The following NAPEPLD variants were observed in gnomAD, a reference collection of about 807,000 sequenced individuals.
NAPEPLD encodes the protein N-acyl phosphatidylethanolamine phospholipase D, also known as N-acyl-phosphatidylethanolamine-hydrolyzing phospholipase D.
A neutral mutation model predicts 38.1 loss-of-function variants in NAPEPLD; 23 were observed. The ratio of observed to expected loss-of-function variants is 0.60; its 90% CI spans 0.43 to 0.86. The LOEUF is 0.86. NAPEPLD is among the 40% of genes least tolerant of loss of function. The pLI, the probability that NAPEPLD is intolerant of heterozygous loss-of-function variation, is 0.00. For synonymous variants in NAPEPLD, 147 were observed against 162.0 expected, an observed-to-expected ratio of 0.91 and a Z score of 0.71; for missense variants, 411 against 476.8, an observed-to-expected ratio of 0.86 and a Z score of 1.28.
chr7:103,114,674 A>G (rs1226644036), intron 4 of NAPEPLD, among the ~76,000 whole-genome samples: 1 of 152,108 alleles, frequency 6.6e-6, no homozygotes, highest in Non-Finnish European at 1.5e-5. Context: ...ACATTACAGC[A>G]CTTTCCCCTT....
rs1202557572 is a variant in NAPEPLD at position 103,110,488 on chromosome 7, T to C, written c.1056+4572A>G. On this transcript the variant is annotated intron_variant, in intron 4 of 4. Transcript: ENST00000465647. ...AACAGAACCAATGACAAAAACCACA[T>C]GATTGTCTCAATAGAAGCAGAAAAG... is the stretch of plus-strand genomic sequence containing the variant. 2.0e-5 allele frequency among the ~76,000 whole-genome samples: 3 copies of C among 152,302 alleles called. No homozygotes were observed. The East Asian group carries it at 5.8e-4, about 29-fold the overall frequency.
intron 2 of NAPEPLD, among the ~76,000 whole-genome samples, chr7:103,126,520 G>C (rs373266663): frequency 6.6e-6 from 1 of 152,084 alleles, no homozygotes; most frequent in Non-Finnish European, 1.5e-5. Flanking sequence ...GGACACAACT[G>C]TTCATAAGGC....
intron 1 of NAPEPLD, among the ~76,000 whole-genome samples, chr7:103,144,070 CAG>C (rs1812053746): frequency 6.6e-6 from 1 of 152,186 alleles, no homozygotes; most frequent in Non-Finnish European, 1.5e-5. Flanking sequence ...AAGAGGCTCA[CAG>C]AGTTTAATAG....
intron 3 of NAPEPLD, 136 bp from the exon 4 acceptor site, chr7:103,115,310 C>A: frequency 1.6e-6 from 1 of 615,144 alleles, no homozygotes; most frequent in Non-Finnish European, 2.7e-6. Context: ...TGGGATAAAA[C>A]ATGCAGTTTT....
chr7:103,137,504 T>C (rs1810309497), intron 1 of NAPEPLD, among the ~76,000 whole-genome samples: 2 of 152,302 alleles, frequency 1.3e-5, no homozygotes, highest in South Asian at 4.1e-4. Flanking sequence ...TAAAATATCA[T>C]GTTACGGTAA....
intron 4 of NAPEPLD, among the ~76,000 whole-genome samples, chr7:103,114,771 A>T (rs1805234445): frequency 6.6e-6 from 1 of 152,198 alleles, no homozygotes. Context: ...TTGCTTTTCT[A>T]GTCTCCAGAC....
At chr7:103,116,098 G>A (rs7801969) in intron 3 of NAPEPLD, among the ~76,000 whole-genome samples, 133,029 of 151,602 alleles carry the variant, frequency 0.88, 60,980 homozygotes, top group East Asian at 1. Context: ...GTCTCACTCT[G>A]TCGCCCAGGC....
At chr7:103,125,456 T>G (rs987062556) in intron 2 of NAPEPLD, among the ~76,000 whole-genome samples, 1 of 152,242 alleles carries the variant, frequency 6.6e-6, no homozygotes, top group East Asian at 1.9e-4. Context: ...GTTAACATTA[T>G]GATCTGTACT....
At chr7:103,113,963 A>G (rs551294119) in intron 4 of NAPEPLD, among the ~76,000 whole-genome samples, 8 of 149,866 alleles carry the variant, frequency 5.3e-5, no homozygotes, top group African/African-American at 2.0e-4. Context: ...TAGTGGCACA[A>G]TCTCGACTTA....
intron 1 of NAPEPLD, among the ~76,000 whole-genome samples, chr7:103,143,961 A>C (rs764739165): frequency 6.6e-5 from 10 of 152,216 alleles, no homozygotes; most frequent in Non-Finnish European, 1.3e-4. Context: ...GGGATTACAG[A>C]CAGGAGCCAC....
intron 2 of NAPEPLD, among the ~76,000 whole-genome samples, chr7:103,125,837 A>G (rs532095920): frequency 8.6e-5 from 13 of 152,046 alleles, no homozygotes; most frequent in African/African-American, 3.1e-4. Flanking sequence ...CAGTGAGCCA[A>G]GATGGCGCCA....
intron 2 of NAPEPLD, among the ~76,000 whole-genome samples, chr7:103,122,270 C>T (rs564830557): frequency 5.3e-5 from 8 of 152,088 alleles, no homozygotes; most frequent in East Asian, 3.9e-4. Flanking sequence ...CACACACACA[C>T]GTACACATGC....
chr7:103,133,733 T>C (rs1411979928), intron 1 of NAPEPLD, among the ~76,000 whole-genome samples: 1 of 152,240 alleles, frequency 6.6e-6, no homozygotes, highest in Non-Finnish European at 1.5e-5. Flanking sequence ...TTTCAAACTA[T>C]TTCTTGTTAT....
At chr7:103,108,007 A>G (rs1246252813) in intron 4 of NAPEPLD, among the ~76,000 whole-genome samples, 4 of 152,172 alleles carry the variant, frequency 2.6e-5, no homozygotes, top group East Asian at 1.9e-4. Context: ...GAGAAACTTC[A>G]GGTTACCCAT....
intron 4 of NAPEPLD, among the ~76,000 whole-genome samples, chr7:103,105,629 CAA>C (rs1258252403): frequency 6.6e-6 from 1 of 152,142 alleles, no homozygotes; most frequent in African/African-American, 2.4e-5. Context: ...AGCATATATG[CAA>C]AGAGTGTTAA....
intron 3 of NAPEPLD, among the ~76,000 whole-genome samples, chr7:103,116,064 CTT>C (rs10541883): frequency 0.9 from 135,232 of 151,088 alleles, 62,397 homozygotes; most frequent in East Asian, 1. Flanking sequence ...TTCTTTTTTT[CTT>C]TTTTTTTTTT....
chr7:103,129,864 C>G (rs776197256), intron 1 of NAPEPLD, among the ~76,000 whole-genome samples: 78 of 152,150 alleles, frequency 5.1e-4, no homozygotes, highest in Non-Finnish European at 9.8e-4. Flanking sequence ...AACATAGTAA[C>G]ACACACATAA....
intron 4 of NAPEPLD, among the ~76,000 whole-genome samples, chr7:103,104,785 CAAG>C (rs1269824238): frequency 6.6e-6 from 1 of 152,096 alleles, no homozygotes; most frequent in Non-Finnish European, 1.5e-5. Context: ...TACCCTAAGT[CAAG>C]AAATTTCCCC....
chr7:103,116,111 G>A (rs1805517074), intron 3 of NAPEPLD, among the ~76,000 whole-genome samples: 1 of 151,834 alleles, frequency 6.6e-6, no homozygotes, highest in Non-Finnish European at 1.5e-5. Flanking sequence ...GCCCAGGCTA[G>A]AGTGCAGTGC....
Sources: allele counts gnomAD v4.1 joint callset (sites outside exome capture counted in the v4.1 genomes callset), GRCh38; gene constraint gnomAD v4.1.1; transcripts MANE v1.5; gene names NCBI Gene and HGNC (gene_info 2026-07-23, HGNC 2026-07-21).